FBXO31: variants seen among roughly 807,000 people sequenced by gnomAD.
FBXO31 encodes F-box only protein 31.
A neutral mutation model predicts 54.4 loss-of-function variants in FBXO31; 24 were observed. The ratio of observed to expected loss-of-function variants is 0.44; its 90% CI spans 0.32 to 0.62. The LOEUF (loss-of-function observed/expected upper bound fraction) is 0.62. Ranked by LOEUF, FBXO31 falls within the 20% of genes least tolerant of loss-of-function variation. The pLI, the probability that FBXO31 is intolerant of heterozygous loss-of-function variation, is 0.05. For synonymous variants in FBXO31, 388 were observed against 335.6 expected, an observed-to-expected ratio of 1.16 and a Z score of -1.71; for missense variants, 665 against 787.1, an observed-to-expected ratio of 0.84 and a Z score of 1.86.
At chr16:87,363,692 A>G (rs1005993165) in intron 1 of FBXO31, among the ~76,000 whole-genome samples, 5 of 152,204 alleles carry the variant, frequency 3.3e-5, no homozygotes, top group Admixed American at 2.0e-4. Context: ...GGGGAAATCA[A>G]AGAATCATGA....
At chr16:87,339,509 G>C (rs542598260) in intron 5 of FBXO31, among the ~76,000 whole-genome samples, 1 of 152,336 alleles carries the variant, frequency 6.6e-6, no homozygotes, top group African/African-American at 2.4e-5. Context: ...CCCTGCAGAA[G>C]AGGAGAGGCT....
rs550763835 is a variant in FBXO31 at position 87,335,608 on chromosome 16, A to C, written c.843-151T>G. 9.9e-5 allele frequency: 92 copies of C among 925,468 alleles called. 1 individual carries two copies. In the South Asian group the frequency reaches 1.5e-3, roughly 15 times the overall value. 57.3% of individuals were successfully genotyped at this position (925,468 alleles called of 1,614,324 possible). On this transcript the variant is annotated intron_variant, in intron 6 of 8. Transcript: ENST00000311635. This position sits in a 1 kb window ranked among gnomAD's most constrained non-coding sequence, Gnocchi z 5.7. ...GGTGTCCACCAGGCCTGTGGGCAGC[A>C]ATGCGCCCAGGGGAGCCCTCACCCC...
chr16:87,336,678 C>T lies in FBXO31; in HGVS notation c.733-414G>A, dbSNP rs1025285973. On this transcript the variant is annotated intron_variant, in intron 5 of 8. Coordinates refer to ENST00000311635, the MANE Select transcript of FBXO31 (RefSeq NM_024735.5). This position sits in a 1 kb window ranked among gnomAD's most constrained non-coding sequence, Gnocchi z 6.5. Reference sequence around the variant, plus strand: ...AGCCTGCTTCTCTGGCTCCTGGGAGCCTGAGTGTTCCAGAAGCCCTCACCA... The same window carrying T: ...AGCCTGCTTCTCTGGCTCCTGGGAGTCTGAGTGTTCCAGAAGCCCTCACCA... Among the ~76,000 whole-genome samples, 1 of 152,146 alleles carries T rather than the reference C, an allele frequency of 6.6e-6. No homozygotes were observed. Among genetic ancestry groups the T allele is most frequent in the Admixed American group, 6.5e-5 (1 of 15,282 alleles).
intron 7 of FBXO31, 61 bp from the exon 8 acceptor site, chr16:87,334,347 G>A: frequency 6.8e-7 from 1 of 1,469,708 alleles, no homozygotes; most frequent in Non-Finnish European, 9.1e-7. Flanking sequence ...ACCACTGTGT[G>A]GGCTCCAGCC....
intron 1 of FBXO31, chr16:87,362,417 T>C (rs1597372663): frequency 6.6e-6 from 1 of 152,068 alleles, no homozygotes; most frequent in Non-Finnish European, 1.5e-5. Flanking sequence ...TGGAGTCTCA[T>C]GTCCCACTAT....
In FBXO31 at chr16:87,383,729, G is replaced by C. The variant is rs1379531665; in HGVS notation, c.16C>G (p.Arg6Gly). 2 of 1,231,880 alleles carry C rather than the reference G, an allele frequency of 1.6e-6. No homozygotes were observed. Among genetic ancestry groups the C allele is most frequent in the South Asian group, 3.3e-5 (1 of 30,046 alleles). The allele number at this position is 1,231,880 out of a possible 1,614,324, so 76.3% of individuals were successfully genotyped here. ...CGCGACGGGCCCACGCCGCAAAGGC[G>C]AGCACACACCGCCATGCCGCCCAGT... MAVCA[R>G]LCGVGPSRGC... Residue 6 changes from arginine (R) to glycine (G), a missense_variant, in exon 1 of 9, where the codon CGC becomes GGC. This residue lies in a region of FBXO31 where 195 missense variants were observed against 174.8 expected (regional missense o/e 1.12). Transcript: ENST00000311635. The surrounding 1 kb of genome is among the most constrained non-coding windows in gnomAD (Gnocchi z 4.9).
rs908909510 is a variant in FBXO31 at position 87,345,196 on chromosome 16, C to T, written c.490-1431G>A. ...CGGAGCACAATCCCAACACCAGCAC[C>T]GGATTTTCAACACAGCAAGAACGAT... is the stretch of plus-strand genomic sequence containing the variant. On this transcript the variant is annotated intron_variant, in intron 3 of 8. Coordinates refer to ENST00000311635, the MANE Select transcript of FBXO31 (RefSeq NM_024735.5). This position sits in a 1 kb window ranked among gnomAD's most constrained non-coding sequence, Gnocchi z 4.9. Among the ~76,000 whole-genome samples the T allele has an allele frequency of 7.2e-5, 11 of 152,270 alleles. No individual in the cohort carries two copies. The East Asian group carries it at 1.3e-3, about 19-fold the overall frequency.
chr16:87,369,575 TGGATGAGCACCTG>T (rs1007629186), intron 1 of FBXO31, among the ~76,000 whole-genome samples: 1 of 152,252 alleles, frequency 6.6e-6, no homozygotes, highest in African/African-American at 2.4e-5. Context: ...CGTTTATTCA[TGGATGAGCACCTG>T]GGATGGCTCC....
At position 87,358,171 on chromosome 16, in the gene FBXO31, C is replaced by G. The variant is rs1905979390; in HGVS notation, c.412+2124G>C. Among the ~76,000 whole-genome samples the G allele has an allele frequency of 6.6e-6, 1 of 152,168 alleles. No homozygotes were observed. Among genetic ancestry groups the G allele is most frequent in the Admixed American group, 6.5e-5 (1 of 15,282 alleles). On this transcript the variant is annotated intron_variant, in intron 2 of 8. Transcript: ENST00000311635. The surrounding 1 kb of genome is among the most constrained non-coding windows in gnomAD (Gnocchi z 4.0). ...TAAAGTGATCTCGACTGGTAGTACC[C>G]AGAAACCACTGCAGAAAGGTAAGCC...
rs990998463 is a variant in FBXO31, at chr16:87,360,175, A to C, written c.412+120T>G. On this transcript the variant is annotated intron_variant, in intron 2 of 8. Transcript: ENST00000311635. ...AGTGCTCTATTCAAAATGTGACTGT[A>C]AGATGGTGTCTGAGAAAACAAAAGT... 5.7e-6 allele frequency: 5 copies of C among 878,892 alleles called. No homozygotes were observed. In the African/African-American group the frequency reaches 8.2e-5, roughly 14 times the overall value. The allele number at this position is 878,892 out of a possible 1,614,324, so 54.4% of individuals were successfully genotyped here.
intron 8 of FBXO31, 60 bp from the exon 9 acceptor site, chr16:87,331,570 C>T (rs781312096): frequency 3.5e-5 from 48 of 1,389,874 alleles, no homozygotes; most frequent in African/African-American, 2.8e-4. Context: ...ATGCACGCCA[C>T]GTACAGCATT....
At chr16:87,341,508 T>A (rs1905192433) in intron 5 of FBXO31, among the ~76,000 whole-genome samples, 1 of 151,766 alleles carries the variant, frequency 6.6e-6, no homozygotes, top group Non-Finnish European at 1.5e-5. Flanking sequence ...ATACAAAAAT[T>A]AGCCAGGCAT....
intron 8 of FBXO31, among the ~76,000 whole-genome samples, chr16:87,333,630 C>T (rs1030266203): frequency 1.1e-4 from 16 of 152,210 alleles, no homozygotes; most frequent in African/African-American, 3.4e-4. Context: ...AGCCTCATGC[C>T]CCTGCAGCTC....
intron 2 of FBXO31, among the ~76,000 whole-genome samples, chr16:87,359,293 G>A (rs995523390): frequency 6.6e-6 from 1 of 152,086 alleles, no homozygotes; most frequent in African/African-American, 2.4e-5. Context: ...CCTACCCTCG[G>A]CCACACTGCC....
intron 2 of FBXO31, among the ~76,000 whole-genome samples, chr16:87,353,448 G>T (rs184805753): frequency 6.6e-6 from 1 of 152,232 alleles, no homozygotes; most frequent in Non-Finnish European, 1.5e-5. Context: ...TAATGTAGCC[G>T]TGAGCACGTT....
At chr16:87,344,718 T>C (rs1905304611) in intron 3 of FBXO31, among the ~76,000 whole-genome samples, 1 of 152,030 alleles carries the variant, frequency 6.6e-6, no homozygotes, top group South Asian at 2.1e-4. Flanking sequence ...AGGAAAGCAA[T>C]CTGCCCACCC....
chr16:87,333,016 T>G (rs1046470276), intron 8 of FBXO31, among the ~76,000 whole-genome samples: 2 of 152,184 alleles, frequency 1.3e-5, no homozygotes, highest in African/African-American at 4.8e-5. Context: ...ACTTGAAACA[T>G]GGCCTGGGCG....
chr16:87,385,117 G>A (rs1301458293), upstream of FBXO31, among the ~76,000 whole-genome samples: 1 of 147,790 alleles, frequency 6.8e-6, no homozygotes, highest in Admixed American at 6.8e-5. Flanking sequence ...CCCAGGAGTC[G>A]GAGACCAGCC....
Position 87,376,467 on chromosome 16 carries a change from G to T in FBXO31, c.340+6938C>A, listed in dbSNP as rs1006301722. ...TTTTGTATTTTTAGTAGAGACAGGG[G>T]TTTCACCAGGTTGGCCAGGCTGGTC... On this transcript the variant is annotated intron_variant, in intron 1 of 8. Transcript: ENST00000311635. Among the ~76,000 whole-genome samples the T allele has an allele frequency of 2.6e-5, 4 of 151,888 alleles. No individual in the cohort carries two copies. In the East Asian group the frequency reaches 7.7e-4, roughly 29 times the overall value.
Sources: allele counts gnomAD v4.1 joint callset (sites outside exome capture counted in the v4.1 genomes callset), GRCh38; gene constraint gnomAD v4.1.1; regional missense constraint gnomAD v4.1.1; non-coding constraint Gnocchi (gnomAD v3.1); transcripts MANE v1.5; gene names NCBI Gene and HGNC (gene_info 2026-07-23, HGNC 2026-07-21).